The following ZMYND11 variants were observed in gnomAD, a reference collection of about 807,000 sequenced individuals.
The protein encoded by ZMYND11 is zinc finger MYND domain-containing protein 11.
Under a neutral mutation model 84.9 loss-of-function variants are expected in ZMYND11, and 9 were observed. The ratio of observed to expected loss-of-function variants is 0.11; its 90% CI spans 0.06 to 0.18. ZMYND11 has a LOEUF of 0.18. Ranked by LOEUF, ZMYND11 falls within the 10% of genes least tolerant of loss-of-function variation. ZMYND11 has a pLI of 1.00. For synonymous variants in ZMYND11, 250 were observed against 244.1 expected, an observed-to-expected ratio of 1.02 and a Z score of -0.23; for missense variants, 409 against 761.0, an observed-to-expected ratio of 0.54 and a Z score of 5.44.
intron 10 of ZMYND11, among the ~76,000 whole-genome samples, chr10:243,029 TCATACTCGGATG>T (rs1211991922): frequency 2.6e-4 from 40 of 152,280 alleles, no homozygotes; most frequent in Admixed American, 1.3e-3. Context: ...GCTTAATACA[TCATACTCGGATG>T]GTTTCAGTTT....
At chr10:143,120 G>A (rs1201705533) in intron 1 of ZMYND11, among the ~76,000 whole-genome samples, 3 of 152,214 alleles carry the variant, frequency 2.0e-5, no homozygotes, top group African/African-American at 7.2e-5. Context: ...GCTAATTTCT[G>A]GAAAGCTGTA....
At chr10:231,607 A>C (rs1315946787) in intron 4 of ZMYND11, among the ~76,000 whole-genome samples, 1 of 152,180 alleles carries the variant, frequency 6.6e-6, no homozygotes, top group African/African-American at 2.4e-5. Flanking sequence ...GCTATGGATA[A>C]ACTTGGACAA....
chr10:250,474 G>A (rs977223332), intron 14 of ZMYND11, among the ~76,000 whole-genome samples: 33 of 151,964 alleles, frequency 2.2e-4, no homozygotes, highest in Admixed American at 5.2e-4. Context: ...CAGCCTGGGC[G>A]ATGGAGCAAG....
chr10:245,501 C>A (rs1951939465), intron 10 of ZMYND11, among the ~76,000 whole-genome samples: 1 of 152,264 alleles, frequency 6.6e-6, no homozygotes, highest in African/African-American at 2.4e-5. Flanking sequence ...AGGAAAAAAT[C>A]TTTAACAGAA....
rs1057407825 is a variant in ZMYND11, at chr10:229,052, C to T, written c.438+7696C>T. 4.5e-4 allele frequency among the ~76,000 whole-genome samples: 69 copies of T among 152,286 alleles called. 1 individual carries two copies. The highest frequency in any genetic ancestry group is 4.4e-3 in the Admixed American group (67 of 15,296). On this transcript the variant is annotated intron_variant, in intron 4 of 14. Transcript: ENST00000381604. Reference sequence around the variant, plus strand: ...TATTTGAGAGATGCTTTCATAGTTACTAAGTCAGCCCAGTAGTAGACTGGC... The same window carrying T: ...TATTTGAGAGATGCTTTCATAGTTATTAAGTCAGCCCAGTAGTAGACTGGC...
intron 1 of ZMYND11, among the ~76,000 whole-genome samples, chr10:144,571 C>G (rs1389576700): frequency 1.3e-5 from 2 of 149,710 alleles, no homozygotes; most frequent in African/African-American, 4.9e-5. Context: ...TGTTACACAA[C>G]TCACATTAGG....
chr10:197,970 T>C (rs1445115754), intron 2 of ZMYND11: 1 of 656,776 alleles, frequency 1.5e-6, no homozygotes, highest in East Asian at 2.8e-5. Context: ...TACACAGATA[T>C]GTCATTTTCA....
At chr10:146,689 G>A (rs1035267953) in intron 1 of ZMYND11, among the ~76,000 whole-genome samples, 11 of 152,132 alleles carry the variant, frequency 7.2e-5, no homozygotes, top group African/African-American at 2.7e-4. Context: ...GATATGGTTT[G>A]GCCATGTCCC....
chr10:148,561 G>T (rs1839476609), intron 1 of ZMYND11: 1 of 152,266 alleles, frequency 6.6e-6, no homozygotes, highest in Non-Finnish European at 1.5e-5. Flanking sequence ...GTGTTTTGAG[G>T]CTTCACAGGT....
chr10:236,374 A>G (rs756230758), intron 4 of ZMYND11, among the ~76,000 whole-genome samples: 6 of 152,234 alleles, frequency 3.9e-5, no homozygotes, highest in Non-Finnish European at 7.3e-5. Context: ...AGATGTTAGT[A>G]TGCAGCTGCG....
At position 248,573 on chromosome 10, in the gene ZMYND11, G is replaced by A; in HGVS notation, c.1465G>A (p.Glu489Lys). 6.2e-7 allele frequency: 1 copy of A among 1,612,490 alleles called. No homozygotes were observed. ...CCGGATGAAGTCGGACCACAAGCGG[G>A]AGACAGAGCGTGTTGTCCGAGAAGC... is the stretch of plus-strand genomic sequence containing the variant. Reference protein sequence around the residue: ...KDRMKSDHKRETERVVREALE... With the variant: ...KDRMKSDHKRKTERVVREALE... The change falls in exon 13 of 15, where the codon GAG becomes AAG. Residue 489 changes from glutamate (E) to lysine (K), a missense_variant. Physicochemically the swap from Glu to Lys is moderately conservative, Grantham distance 56. Coordinates refer to ENST00000381604, the MANE Select transcript of ZMYND11 (RefSeq NM_001370100.5).
At chr10:206,481 A>G (rs1944196894) in intron 2 of ZMYND11, among the ~76,000 whole-genome samples, 1 of 152,196 alleles carries the variant, frequency 6.6e-6, no homozygotes, top group African/African-American at 2.4e-5. Context: ...TCATAATTTT[A>G]TATTTCTGTC....
intron 8 of ZMYND11, 33 bp downstream of exon 8, chr10:240,144 C>G: frequency 1.4e-6 from 2 of 1,468,496 alleles, no homozygotes; most frequent in Non-Finnish European, 1.9e-6. Context: ...TATACTCTTT[C>G]TATAACTGAA....
rs752621014 is a variant in ZMYND11, at chr10:246,974, G to A, written c.1158+1G>A. On this transcript the variant is annotated splice_donor_variant, in intron 11 of 14. Transcript: ENST00000381604. LOFTEE classifies it high-confidence loss of function. Reference sequence around the variant, plus strand: ...TATCTCCTCCACCAGTAATGAGCAGGTGAGTGTGTCTCCGGAAGGAAGTGC... The same window carrying A: ...TATCTCCTCCACCAGTAATGAGCAGATGAGTGTGTCTCCGGAAGGAAGTGC... 1 of 1,602,662 alleles carries A rather than the reference G, an allele frequency of 6.2e-7. No individual in the cohort carries two copies.
chr10:243,821 T>C (rs1443237123), intron 10 of ZMYND11, among the ~76,000 whole-genome samples: 2 of 152,106 alleles, frequency 1.3e-5, no homozygotes, highest in East Asian at 3.9e-4. Context: ...GCAGAGACTG[T>C]GCCACTTCAC....
At chr10:203,387 C>A in intron 2 of ZMYND11, among the ~76,000 whole-genome samples, 1 of 151,100 alleles carries the variant, frequency 6.6e-6, no homozygotes. Flanking sequence ...TAGGAAAAAC[C>A]CAAAAGATAT....
chr10:209,245 C>T (rs1029196780), intron 2 of ZMYND11, among the ~76,000 whole-genome samples: 17 of 151,944 alleles, frequency 1.1e-4, no homozygotes, highest in African/African-American at 4.1e-4. Flanking sequence ...CAGGGTGTGT[C>T]GGATATATTT....
At chr10:209,269 T>TA (rs1944749443) in intron 2 of ZMYND11, among the ~76,000 whole-genome samples, 2 of 152,108 alleles carry the variant, frequency 1.3e-5, no homozygotes, top group South Asian at 2.1e-4. Context: ...TTTTTTGTTT[T>TA]AAAAAAATAC....
At chr10:151,583 G>A (rs11250488) in intron 1 of ZMYND11, among the ~76,000 whole-genome samples, 36,753 of 152,124 alleles carry the variant, frequency 0.24, 5,606 homozygotes, top group Non-Finnish European at 0.35. Flanking sequence ...CCAAATCTAC[G>A]TCTGATTGGC....
Sources: allele counts gnomAD v4.1 joint callset (sites outside exome capture counted in the v4.1 genomes callset), GRCh38; gene constraint gnomAD v4.1.1; transcripts MANE v1.5; gene names NCBI Gene and HGNC (gene_info 2026-07-23, HGNC 2026-07-21).